Variants in SLC5A10 observed in about 807,000 individuals in gnomAD.
SLC5A10 encodes solute carrier family 5 member 10.
Under a neutral mutation model 68.9 loss-of-function variants are expected in SLC5A10, and 55 were observed. That is an observed-to-expected ratio of 0.80 (90% CI 0.64 to 1.00). The LOEUF is 1.00. SLC5A10 is among the 50% of genes least tolerant of loss of function. SLC5A10 has a pLI of 0.00. For synonymous variants in SLC5A10, 344 were observed against 344.8 expected (o/e 1.00, Z 0.02); for missense variants, 732 against 819.3 (o/e 0.89, Z 1.30).
At chr17:18,978,005 A>T (rs758068919) in intron 9 of SLC5A10, 56 of 1,561,388 alleles carry the variant, frequency 3.6e-5, no homozygotes, top group Non-Finnish European at 4.8e-5. Flanking sequence ...CTGCCGCTGG[A>T]GTGGGGCGTG....
At chr17:18,976,751 C>T (rs2042989472) in intron 8 of SLC5A10, 103 bp from the exon 9 acceptor site, 2 of 1,448,304 alleles carry the variant, frequency 1.4e-6, no homozygotes, top group Non-Finnish European at 1.9e-6. Context: ...GCTAATGGGA[C>T]ATCATCGTGC....
At chr17:18,958,312 C>T (rs571065697) in intron 1 of SLC5A10, among the ~76,000 whole-genome samples, 18 of 152,146 alleles carry the variant, frequency 1.2e-4, no homozygotes, top group African/African-American at 3.9e-4. Flanking sequence ...CGCTTACCTC[C>T]GCCTCCCAAT....
chr17:19,017,376 T>C lies in SLC5A10; in HGVS notation c.1242-2047T>C. ...CCATTGGAGCGGTATCTCCTAGGCC[T>C]CGTGGTCATGGATCTCTGGTAGGGT... On this transcript the variant is annotated intron_variant, in intron 11 of 14. Coordinates refer to ENST00000395645, the MANE Select transcript of SLC5A10 (RefSeq NM_001042450.4). This position sits in a 1 kb window ranked among gnomAD's most constrained non-coding sequence, Gnocchi z 5.6. 1 of 1,551,816 alleles carries C rather than the reference T, an allele frequency of 6.4e-7. No individual in the cohort carries two copies. Among genetic ancestry groups the C allele is most frequent in the Non-Finnish European group, 8.7e-7 (1 of 1,146,992 alleles).
intron 5 of SLC5A10, among the ~76,000 whole-genome samples, chr17:18,962,297 G>T (rs1204221424): frequency 6.6e-6 from 1 of 152,182 alleles, no homozygotes; most frequent in Non-Finnish European, 1.5e-5. Context: ...TGGAGACAGG[G>T]ATACTGATGG....
chr17:18,969,472 T>C (rs2042784616), intron 7 of SLC5A10, 50 bp downstream of exon 7: 2 of 1,556,948 alleles, frequency 1.3e-6, no homozygotes, highest in African/African-American at 1.4e-5. Context: ...CAGCGAGCCC[T>C]TTGGAGTCTG....
At chr17:19,015,778 G>A (rs911905718) in intron 11 of SLC5A10, among the ~76,000 whole-genome samples, 1 of 152,192 alleles carries the variant, frequency 6.6e-6, no homozygotes, top group African/African-American at 2.4e-5. Context: ...CCCCAGGGAC[G>A]CTTGCCAGAT....
intron 9 of SLC5A10, among the ~76,000 whole-genome samples, chr17:18,989,185 C>G (rs1322290783): frequency 6.6e-6 from 1 of 150,506 alleles, no homozygotes; most frequent in Non-Finnish European, 1.5e-5. Flanking sequence ...ACCCTCCGAG[C>G]CTGGCACCAC....
chr17:18,969,538 G>A, intron 7 of SLC5A10, 116 bp downstream of exon 7: 1 of 957,116 alleles, frequency 1.0e-6, no homozygotes. Context: ...TAGCATCGCT[G>A]GGAGTGGGTG....
intron 13 of SLC5A10, 68 bp downstream of exon 13, chr17:19,019,996 G>T: frequency 6.7e-7 from 1 of 1,486,654 alleles, no homozygotes; most frequent in South Asian, 1.2e-5. Context: ...TCTCATCCCC[G>T]ACCCACTCTG....
chr17:19,020,246 G>A, intron 14 of SLC5A10, 34 bp downstream of exon 14: 1 of 1,613,656 alleles, frequency 6.2e-7, no homozygotes. Flanking sequence ...CCTCCACCTT[G>A]ACCCTGGCCT....
chr17:18,978,463 G>A, intron 9 of SLC5A10: 1 of 1,609,652 alleles, frequency 6.2e-7, no homozygotes, highest in East Asian at 2.2e-5. Context: ...CCCTCTCCAG[G>A]TGAAGCAGTC....
At chr17:18,977,332 G>T (rs2043005028) in intron 9 of SLC5A10, 1 of 583,108 alleles carries the variant, frequency 1.7e-6, no homozygotes, top group Non-Finnish European at 3.0e-6. Flanking sequence ...ACCTCTAGGT[G>T]GGGAAACGTG....
At chr17:18,955,922 C>A (rs1356162414) in intron 1 of SLC5A10, among the ~76,000 whole-genome samples, 1 of 152,182 alleles carries the variant, frequency 6.6e-6, no homozygotes, top group Non-Finnish European at 1.5e-5. Context: ...AGGCCGGGCG[C>A]GGTGGCTCAT....
chr17:18,952,015 A>G (rs1486174778), upstream of SLC5A10: 4 of 878,980 alleles, frequency 4.6e-6, no homozygotes, highest in Non-Finnish European at 6.6e-6. Context: ...TGGGATCTGC[A>G]CCCCACCATG....
chr17:18,954,849 G>T (rs2042459804), intron 1 of SLC5A10, among the ~76,000 whole-genome samples: 1 of 152,136 alleles, frequency 6.6e-6, no homozygotes, highest in Non-Finnish European at 1.5e-5. Flanking sequence ...TAGGCGGGTG[G>T]ATCACGAGGT....
At chr17:19,011,254 C>G (rs2472710) in intron 9 of SLC5A10, among the ~76,000 whole-genome samples, 121,004 of 152,150 alleles carry the variant, frequency 0.8, 49,038 homozygotes, top group Middle Eastern at 0.91. Flanking sequence ...GGCCTCAGAG[C>G]ACAAGCCCTT....
chr17:19,002,958 T>C (rs1455775440), intron 9 of SLC5A10, among the ~76,000 whole-genome samples: 1 of 152,106 alleles, frequency 6.6e-6, no homozygotes, highest in African/African-American at 2.4e-5. Context: ...CCTGGAAAGT[T>C]TCCACCATTG....
intron 9 of SLC5A10, chr17:18,988,350 C>T (rs368963035): frequency 2.1e-5 from 34 of 1,614,118 alleles, no homozygotes; most frequent in Non-Finnish European, 2.7e-5. Context: ...CCTCTTGAAG[C>T]CGGCGTCCAG....
intron 8 of SLC5A10, among the ~76,000 whole-genome samples, chr17:18,973,887 T>G (rs1230487572): frequency 8.6e-6 from 1 of 115,812 alleles, no homozygotes; most frequent in Non-Finnish European, 1.8e-5. Context: ...TTTTTAAGTT[T>G]TTTTTTTTTT....
Sources: allele counts gnomAD v4.1 joint callset (sites outside exome capture counted in the v4.1 genomes callset), GRCh38; gene constraint gnomAD v4.1.1; non-coding constraint Gnocchi (gnomAD v3.1); transcripts MANE v1.5; gene names NCBI Gene and HGNC (gene_info 2026-07-23, HGNC 2026-07-21).